LRRTM4: variants seen among roughly 807,000 people sequenced by gnomAD.
LRRTM4 encodes the protein leucine rich repeat transmembrane neuronal 4.
Under a neutral mutation model 47.6 loss-of-function variants are expected in LRRTM4, and 25 were observed. That is an observed-to-expected ratio of 0.53 (90% confidence interval 0.38 to 0.73). The LOEUF (loss-of-function observed/expected upper bound fraction) is 0.73, where lower values mean the gene tolerates loss of function less well. LRRTM4 is among the 30% of genes least tolerant of loss of function. The pLI is 0.00. For missense variants in LRRTM4, 638 were observed against 713.4 expected (o/e 0.89, Z 1.20); for synonymous variants, 311 against 269.5 (o/e 1.15, Z -1.51).
chr2:77,419,383 A>T (rs1157541126), intron 3 of LRRTM4, among the ~76,000 whole-genome samples: 2 of 152,278 alleles, frequency 1.3e-5, no homozygotes, highest in Non-Finnish European at 2.9e-5. Flanking sequence ...AGATACTAAA[A>T]TCCATGGATG....
intron 3 of LRRTM4, among the ~76,000 whole-genome samples, chr2:76,848,060 C>T (rs753733733): frequency 6.6e-6 from 1 of 152,014 alleles, no homozygotes; most frequent in Admixed American, 6.6e-5. Flanking sequence ...ATCCAGAGAG[C>T]TCATTCTTCA....
At chr2:76,895,821 T>G (rs1673398415) in intron 3 of LRRTM4, among the ~76,000 whole-genome samples, 1 of 152,040 alleles carries the variant, frequency 6.6e-6, no homozygotes, top group African/African-American at 2.4e-5. Context: ...CTGTGGAGGG[T>G]GGTAACACAA....
At chr2:77,298,982 GA>G (rs1392694172) in intron 3 of LRRTM4, among the ~76,000 whole-genome samples, 1 of 152,010 alleles carries the variant, frequency 6.6e-6, no homozygotes, top group Non-Finnish European at 1.5e-5. Flanking sequence ...ATATATAGAA[GA>G]TGATGCATAA....
chr2:76,943,646 T>A (rs970241708), intron 3 of LRRTM4, among the ~76,000 whole-genome samples: 6 of 152,136 alleles, frequency 3.9e-5, no homozygotes, highest in African/African-American at 1.4e-4. Context: ...GACTCCTATA[T>A]CCTATTGCCT....
intron 3 of LRRTM4, among the ~76,000 whole-genome samples, chr2:77,117,689 G>C (rs1474157635): frequency 6.6e-6 from 1 of 151,678 alleles, no homozygotes; most frequent in Non-Finnish European, 1.5e-5. Context: ...TTTTTTTAAG[G>C]TTTAATTATA....
At chr2:76,971,628 C>G (rs534880707) in intron 3 of LRRTM4, among the ~76,000 whole-genome samples, 22 of 152,048 alleles carry the variant, frequency 1.4e-4, no homozygotes, top group African/African-American at 5.3e-4. Flanking sequence ...AATATTGGAG[C>G]AAGCATGGGT....
intron 3 of LRRTM4, among the ~76,000 whole-genome samples, chr2:77,416,844 TA>T (rs1359382581): frequency 6.6e-6 from 1 of 152,062 alleles, no homozygotes; most frequent in African/African-American, 2.4e-5. Context: ...TGTAATATTT[TA>T]TTTTTTTAGG....
At chr2:77,436,470 T>C (rs1011467784) in intron 3 of LRRTM4, among the ~76,000 whole-genome samples, 9 of 151,870 alleles carry the variant, frequency 5.9e-5, no homozygotes, top group African/African-American at 1.9e-4. Context: ...ATGTAATTTA[T>C]ATAATACCAT....
At chr2:77,107,820 A>C (rs1175527591) in intron 3 of LRRTM4, among the ~76,000 whole-genome samples, 1 of 146,834 alleles carries the variant, frequency 6.8e-6, no homozygotes, top group African/African-American at 2.5e-5. Context: ...ATCCAACTCA[A>C]AAAAAAAAAA....
intron 3 of LRRTM4, among the ~76,000 whole-genome samples, chr2:76,969,319 T>C (rs898425255): frequency 6.6e-6 from 1 of 151,924 alleles, no homozygotes; most frequent in Non-Finnish European, 1.5e-5. Flanking sequence ...ATTTTTTATT[T>C]TCTGTTCTTT....
intron 1 of LRRTM4, 113 bp downstream of exon 1, chr2:77,521,996 A>G (rs572371106): frequency 1.5e-6 from 1 of 678,432 alleles, no homozygotes; most frequent in Non-Finnish European, 2.7e-6. Context: ...TGTGTAATTC[A>G]CCAGAGACCC....
intron 3 of LRRTM4, among the ~76,000 whole-genome samples, chr2:76,841,037 A>G (rs1010836997): frequency 3.3e-5 from 5 of 150,730 alleles, no homozygotes; most frequent in Non-Finnish European, 7.4e-5. Context: ...AATGTCCAAC[A>G]ATGATAGACT....
intron 3 of LRRTM4, among the ~76,000 whole-genome samples, chr2:77,000,606 G>A (rs1677384692): frequency 6.6e-6 from 1 of 152,166 alleles, no homozygotes; most frequent in African/African-American, 2.4e-5. Flanking sequence ...AGATGAAGTG[G>A]AAGGTATCTC....
chr2:77,361,126 G>T (rs1474198842), intron 3 of LRRTM4, among the ~76,000 whole-genome samples: 12 of 151,428 alleles, frequency 7.9e-5, no homozygotes, highest in African/African-American at 2.9e-4. Context: ...TCCCTAGTTG[G>T]TTCTTTATCA....
intron 3 of LRRTM4, among the ~76,000 whole-genome samples, chr2:76,873,472 GTATA>G (rs200848735): frequency 5.1e-5 from 7 of 136,990 alleles, no homozygotes; most frequent in African/African-American, 2.0e-4. Flanking sequence ...GTGTGTGTGT[GTATA>G]TATATATGTG....
At chr2:77,253,138 C>T (rs1420381050) in intron 3 of LRRTM4, among the ~76,000 whole-genome samples, 3 of 152,132 alleles carry the variant, frequency 2.0e-5, no homozygotes, top group African/African-American at 7.2e-5. Flanking sequence ...TGTCCTAATA[C>T]ATTGGCCTTA....
intron 3 of LRRTM4, among the ~76,000 whole-genome samples, chr2:76,796,109 G>A (rs534248923): frequency 1.4e-3 from 203 of 140,164 alleles, no homozygotes; most frequent in African/African-American, 3.9e-3. Context: ...TTTTCAGACA[G>A]GCTTAAAAAA....
At chr2:76,901,729 T>C (rs1380038312) in intron 3 of LRRTM4, among the ~76,000 whole-genome samples, 1 of 152,110 alleles carries the variant, frequency 6.6e-6, no homozygotes, top group Non-Finnish European at 1.5e-5. Context: ...GAGTACCCTT[T>C]TACTATCTCT....
intron 3 of LRRTM4, among the ~76,000 whole-genome samples, chr2:77,348,132 C>A (rs1160632169): frequency 6.6e-6 from 1 of 151,844 alleles, no homozygotes; most frequent in African/African-American, 2.4e-5. Context: ...GGAAAATAGT[C>A]AAAACCTATC....
Sources: gnomAD v4.1 joint callset for allele counts (sites outside exome capture counted in the v4.1 genomes callset) on GRCh38, gnomAD v4.1.1 for gene constraint, MANE v1.5 for transcripts, NCBI Gene and HGNC (gene_info 2026-07-23, HGNC 2026-07-21) for gene names.